The following KCNT2 variants were observed in gnomAD, a reference collection of about 807,000 sequenced individuals.
The protein encoded by KCNT2 is potassium channel subfamily T member 2.
KCNT2 carries 67 observed loss-of-function variants against 153.8 expected under a neutral mutation model. That is an observed-to-expected ratio of 0.44 (90% CI 0.36 to 0.53). The LOEUF (loss-of-function observed/expected upper bound fraction) is 0.53, where lower values mean the gene tolerates loss of function less well. KCNT2 is among the 20% of genes least tolerant of loss of function. The pLI is 0.00. For synonymous variants in KCNT2, 500 were observed against 458.8 expected (o/e 1.09, Z -1.15); for missense variants, 975 against 1,354.8 (o/e 0.72, Z 4.40).
intron 1 of KCNT2, among the ~76,000 whole-genome samples, chr1:196,526,601 C>T (rs1184924406): frequency 6.6e-6 from 1 of 151,786 alleles, no homozygotes; most frequent in Non-Finnish European, 1.5e-5. Flanking sequence ...TACAGGCACG[C>T]GCTGCCACAC....
chr1:196,424,217 A>C (rs1673454348), intron 11 of KCNT2, among the ~76,000 whole-genome samples: 1 of 151,928 alleles, frequency 6.6e-6, no homozygotes, highest in African/African-American at 2.4e-5. Context: ...TAGTTACATT[A>C]ATCCTAAATA....
intron 22 of KCNT2, among the ~76,000 whole-genome samples, chr1:196,293,435 CT>C (rs1660383142): frequency 6.6e-6 from 1 of 152,168 alleles, no homozygotes; most frequent in African/African-American, 2.4e-5. Context: ...TAGAATGGTA[CT>C]GGCATAAAAG....
chr1:196,305,383 C>G (rs777666183), intron 21 of KCNT2, 38 bp from the exon 22 acceptor site: 2 of 1,061,710 alleles, frequency 1.9e-6, no homozygotes, highest in East Asian at 2.4e-5. Context: ...CACTAACAAT[C>G]CAATATGGTA....
At chr1:196,294,911 A>T (rs1016304541) in intron 22 of KCNT2, among the ~76,000 whole-genome samples, 1 of 151,866 alleles carries the variant, frequency 6.6e-6, no homozygotes, top group Admixed American at 6.6e-5. Flanking sequence ...GGAAGGGCAT[A>T]AGGGGATGTT....
chr1:196,352,038 C>T (rs191753228), intron 14 of KCNT2, among the ~76,000 whole-genome samples: 2,264 of 152,252 alleles, frequency 0.015, 33 homozygotes, highest in Non-Finnish European at 0.021. Flanking sequence ...ACCAGCCTTG[C>T]ATCCCAGGGA....
intron 25 of KCNT2, among the ~76,000 whole-genome samples, chr1:196,263,721 C>G (rs938468277): frequency 6.6e-6 from 1 of 151,866 alleles, no homozygotes; most frequent in Non-Finnish European, 1.5e-5. Flanking sequence ...ATTAAATAAC[C>G]CACAAATTCA....
chr1:196,470,945 T>A (rs1678048023), intron 5 of KCNT2, among the ~76,000 whole-genome samples: 1 of 146,578 alleles, frequency 6.8e-6, no homozygotes, highest in African/African-American at 2.5e-5. Flanking sequence ...AGTGGCACAA[T>A]CTCGGCTCAC....
intron 3 of KCNT2, among the ~76,000 whole-genome samples, chr1:196,486,626 GT>G (rs1174165588): frequency 6.6e-6 from 1 of 151,776 alleles, no homozygotes; most frequent in Non-Finnish European, 1.5e-5. Context: ...GCATTTGAAA[GT>G]AATAGGGTTA....
At chr1:196,593,609 G>A (rs1198213483) in intron 1 of KCNT2, among the ~76,000 whole-genome samples, 1 of 151,774 alleles carries the variant, frequency 6.6e-6, no homozygotes, top group Non-Finnish European at 1.5e-5. Flanking sequence ...CATTTTCCAT[G>A]ATGTGATTAT....
At chr1:196,558,508 A>G (rs1003739018) in intron 1 of KCNT2, among the ~76,000 whole-genome samples, 3 of 151,176 alleles carry the variant, frequency 2.0e-5, no homozygotes, top group Non-Finnish European at 4.4e-5. Context: ...TAATATTTTC[A>G]CAACCAGTGC....
chr1:196,419,170 T>A (rs1169682545), intron 12 of KCNT2, among the ~76,000 whole-genome samples: 4 of 151,418 alleles, frequency 2.6e-5, no homozygotes, highest in Admixed American at 1.3e-4. Flanking sequence ...TTTTAATTTT[T>A]TTTATTTATT....
intron 1 of KCNT2, among the ~76,000 whole-genome samples, chr1:196,542,965 A>G (rs1318652530): frequency 2.6e-5 from 4 of 152,180 alleles, no homozygotes; most frequent in African/African-American, 9.6e-5. Context: ...CAAGTCAACT[A>G]CAGAAAACGC....
intron 1 of KCNT2, among the ~76,000 whole-genome samples, chr1:196,516,372 G>T (rs1006918190): frequency 2.0e-5 from 3 of 152,092 alleles, no homozygotes; most frequent in African/African-American, 7.2e-5. Context: ...CAGCTAGACT[G>T]CTTTTTCACA....
chr1:196,257,889 G>T, intron 26 of KCNT2: 1 of 978,948 alleles, frequency 1.0e-6, no homozygotes, highest in Non-Finnish European at 1.2e-6. Flanking sequence ...CCTGACTTAG[G>T]TTCTTTACTT....
At chr1:196,507,732 C>T (rs2148787126) in intron 1 of KCNT2, among the ~76,000 whole-genome samples, 1 of 152,162 alleles carries the variant, frequency 6.6e-6, no homozygotes, top group East Asian at 1.9e-4. Context: ...TATGCTATAA[C>T]AGCCCTTCCT....
intron 26 of KCNT2, among the ~76,000 whole-genome samples, chr1:196,248,798 AGAGG>A (rs1284943900): frequency 3.9e-5 from 6 of 152,200 alleles, no homozygotes; most frequent in African/African-American, 1.4e-4. Flanking sequence ...AGTCTTTCTA[AGAGG>A]CCAGTATTAC....
chr1:196,290,537 T>C (rs770737431), intron 22 of KCNT2, among the ~76,000 whole-genome samples: 3 of 151,862 alleles, frequency 2.0e-5, no homozygotes, highest in Admixed American at 2.0e-4. Context: ...TATACATATA[T>C]ATGTGTGTGT....
chr1:196,459,213 TC>T (rs1393076090), intron 8 of KCNT2, among the ~76,000 whole-genome samples: 3 of 151,664 alleles, frequency 2.0e-5, no homozygotes, highest in Admixed American at 6.6e-5. Flanking sequence ...CATTAGTAAA[TC>T]ATGTCATTAG....
intron 20 of KCNT2, chr1:196,317,330 A>T (rs1001761853): frequency 7.0e-6 from 3 of 430,216 alleles, no homozygotes; most frequent in Non-Finnish European, 1.4e-5. Flanking sequence ...CAGGACCATA[A>T]CATCCAACCA....
Sources: allele counts gnomAD v4.1 joint callset (sites outside exome capture counted in the v4.1 genomes callset), GRCh38; gene constraint gnomAD v4.1.1; transcripts MANE v1.5; gene names NCBI Gene and HGNC (gene_info 2026-07-23, HGNC 2026-07-21).